The following ABCG1 variants were observed in gnomAD, a reference collection of about 807,000 sequenced individuals.
ABCG1 encodes ATP binding cassette subfamily G member 1.
A neutral mutation model predicts 69.2 loss-of-function variants in ABCG1; 29 were observed. The ratio of observed to expected loss-of-function variants is 0.42; its 90% CI spans 0.31 to 0.57. The LOEUF (loss-of-function observed/expected upper bound fraction) is 0.57. ABCG1 is among the 20% of genes least tolerant of loss of function. The pLI, the probability that ABCG1 is intolerant of heterozygous loss-of-function variation, is 0.15. For missense variants in ABCG1, 718 were observed against 898.1 expected, an observed-to-expected ratio of 0.80 and a Z score of 2.56; for synonymous variants, 370 against 374.8, an observed-to-expected ratio of 0.99 and a Z score of 0.15.
At position 42,287,019 on chromosome 21, in the gene ABCG1, C is replaced by T. The variant is rs2068954134; in HGVS notation, c.974-870C>T. On this transcript the variant is annotated intron_variant, in intron 8 of 14. Coordinates refer to ENST00000398449, the MANE Select transcript of ABCG1 (RefSeq NM_016818.3). This position sits in a 1 kb window ranked among gnomAD's most constrained non-coding sequence, Gnocchi z 6.2. ...CTAGGAGGTGTGGTGGCCTCCGTAC[C>T]AGCTGGGAGGAAGCGGGTAGCTGGC... Among the ~76,000 whole-genome samples the T allele has an allele frequency of 6.6e-6, 1 of 152,168 alleles. No homozygotes were observed. The highest frequency in any genetic ancestry group is 2.4e-5 in the African/African-American group (1 of 41,428).
intron 1 of ABCG1, among the ~76,000 whole-genome samples, chr21:42,221,466 C>T (rs753082731): frequency 2.6e-4 from 39 of 152,166 alleles, no homozygotes; most frequent in Middle Eastern, 3.4e-3. Context: ...GCCAGGCACT[C>T]GGGGGAACAT....
intron 2 of ABCG1, among the ~76,000 whole-genome samples, chr21:42,253,767 G>C (rs759269738): frequency 2.2e-4 from 33 of 152,264 alleles, no homozygotes; most frequent in Non-Finnish European, 4.0e-4. Context: ...CGATGGACCT[G>C]CCAGCTGTTA....
chr21:42,268,151 G>T (rs570567384), intron 2 of ABCG1, among the ~76,000 whole-genome samples: 1 of 152,188 alleles, frequency 6.6e-6, no homozygotes, highest in Non-Finnish European at 1.5e-5. Flanking sequence ...GAAAAACAGT[G>T]GAAGACAGTG....
intron 2 of ABCG1, among the ~76,000 whole-genome samples, chr21:42,203,768 T>C (rs1179974158): frequency 6.6e-6 from 1 of 152,258 alleles, no homozygotes; most frequent in East Asian, 1.9e-4. Context: ...TAGACTACTC[T>C]TGTTTATATA....
At chr21:42,258,971 C>T (rs1373149610) in intron 2 of ABCG1, among the ~76,000 whole-genome samples, 2 of 152,208 alleles carry the variant, frequency 1.3e-5, no homozygotes, top group Non-Finnish European at 2.9e-5. Context: ...TCTGGAGAAC[C>T]GTAGGATTCG....
intron 2 of ABCG1, among the ~76,000 whole-genome samples, chr21:42,248,562 C>T (rs923816814): frequency 6.6e-6 from 1 of 152,140 alleles, no homozygotes; most frequent in Non-Finnish European, 1.5e-5. Context: ...AACAACAAGA[C>T]TGGATATGAC....
chr21:42,268,391 G>A (rs1183132569), intron 2 of ABCG1, among the ~76,000 whole-genome samples: 2 of 138,268 alleles, frequency 1.4e-5, no homozygotes, highest in Non-Finnish European at 3.4e-5. Context: ...GTGTGTGTGC[G>A]CGCGCGCGCT....
chr21:42,294,839 C>T, intron 14 of ABCG1, 179 bp downstream of exon 14: 2 of 542,728 alleles, frequency 3.7e-6, no homozygotes, highest in South Asian at 3.9e-5. Flanking sequence ...CCCTCACCAA[C>T]ACACACACAC....
chr21:42,218,628 G>T (rs1464269030), upstream of ABCG1, among the ~76,000 whole-genome samples: 1 of 152,192 alleles, frequency 6.6e-6, no homozygotes, highest in East Asian at 1.9e-4. Flanking sequence ...ACCCCACACC[G>T]GTGCTGTTGG....
rs1473854044 is a variant in ABCG1 at position 42,264,588 on chromosome 21, C to T, written c.287-6482C>T. On this transcript the variant is annotated intron_variant, in intron 2 of 14. Transcript: ENST00000398449. ...TTGAGTATCTACACTGGGCCAGGGC[C>T]GAATGTTTAGAGATGGAAAGGTGAG... Among the ~76,000 whole-genome samples, 3 of 150,004 alleles carry T rather than the reference C, an allele frequency of 2.0e-5. No individual in the cohort carries two copies. In the East Asian group the frequency reaches 5.8e-4, roughly 29 times the overall value.
intron 2 of ABCG1, among the ~76,000 whole-genome samples, chr21:42,226,625 G>A (rs1393712186): frequency 6.6e-6 from 1 of 152,084 alleles, no homozygotes; most frequent in Non-Finnish European, 1.5e-5. Flanking sequence ...GCCCTGGGTT[G>A]GTGTGTTTTT....
At chr21:42,238,961 C>T (rs1044844355) in intron 2 of ABCG1, among the ~76,000 whole-genome samples, 1 of 152,206 alleles carries the variant, frequency 6.6e-6, no homozygotes, top group East Asian at 1.9e-4. Context: ...ATAGAAAATG[C>T]ACTTACTCTC....
At chr21:42,282,507 T>C in intron 6 of ABCG1, 88 bp downstream of exon 6, 1 of 1,471,284 alleles carries the variant, frequency 6.8e-7, no homozygotes, top group Non-Finnish European at 9.1e-7. Flanking sequence ...GACATCCTGA[T>C]GTAGCCTCAG....
At chr21:42,286,753 G>A (rs1480062465) in intron 8 of ABCG1, among the ~76,000 whole-genome samples, 1 of 152,220 alleles carries the variant, frequency 6.6e-6, no homozygotes, top group Non-Finnish European at 1.5e-5. Flanking sequence ...GGAAGGAGAG[G>A]AAACACGGTG....
intron 2 of ABCG1, among the ~76,000 whole-genome samples, chr21:42,207,191 C>T (rs909125231): frequency 2.6e-5 from 4 of 152,158 alleles, no homozygotes; most frequent in African/African-American, 9.7e-5. Flanking sequence ...TTTTTAACCC[C>T]TCAGCCCCAC....
In ABCG1 at chr21:42,291,287, G is replaced by T; in HGVS notation, c.1494+95G>T. On this transcript the variant is annotated intron_variant, in intron 12 of 14. Transcript: ENST00000398449. This position sits in a 1 kb window ranked among gnomAD's most constrained non-coding sequence, Gnocchi z 6.4. ...AGAGGACCTGCCAGGGATGCAGGGT[G>T]ACATGGCCCGACTTCGGGAGCTCTG... The T allele has an allele frequency of 8.4e-7, 1 of 1,189,022 alleles. No homozygotes were observed. Among genetic ancestry groups the T allele is most frequent in the South Asian group, 1.3e-5 (1 of 76,036 alleles). The allele number at this position is 1,189,022 out of a possible 1,614,324, so 73.7% of individuals were successfully genotyped here. A position where few individuals can be genotyped will look rare whatever the true frequency, so the allele number is the denominator to read the frequency against.
At chr21:42,205,966 A>C (rs1053097554) in intron 2 of ABCG1, among the ~76,000 whole-genome samples, 7 of 152,140 alleles carry the variant, frequency 4.6e-5, no homozygotes, top group Non-Finnish European at 1.0e-4. Context: ...TTTGCCTCAT[A>C]AATTATTTTA....
At chr21:42,268,465 C>T (rs2068558067) in intron 2 of ABCG1, among the ~76,000 whole-genome samples, 1 of 151,944 alleles carries the variant, frequency 6.6e-6, no homozygotes, top group South Asian at 2.1e-4. Flanking sequence ...GCCCCTCAGC[C>T]CAGGACTCAC....
chr21:42,279,844 G>A (rs761367268), intron 5 of ABCG1, among the ~76,000 whole-genome samples: 58 of 152,198 alleles, frequency 3.8e-4, no homozygotes, highest in Non-Finnish European at 6.0e-4. Flanking sequence ...GAATGGAGGC[G>A]CCTCCCAGGA....
Sources: gnomAD v4.1 joint callset for allele counts (sites outside exome capture counted in the v4.1 genomes callset) on GRCh38, gnomAD v4.1.1 for gene constraint, Gnocchi (gnomAD v3.1) non-coding constraint, MANE v1.5 for transcripts, NCBI Gene and HGNC (gene_info 2026-07-23, HGNC 2026-07-21) for gene names.